The following RASSF2 variants were observed in gnomAD, a reference collection of about 807,000 sequenced individuals.
RASSF2 encodes ras association domain-containing protein 2.
A neutral mutation model predicts 46.3 loss-of-function variants in RASSF2; 34 were observed. The observed-to-expected ratio is 0.73, with a 90% CI of 0.56 to 0.98. The LOEUF (loss-of-function observed/expected upper bound fraction) is 0.98. Ranked by LOEUF, RASSF2 falls within the 50% of genes least tolerant of loss-of-function variation. The pLI, the probability that RASSF2 is intolerant of heterozygous loss-of-function variation, is 0.00. For synonymous variants in RASSF2, 158 were observed against 162.5 expected (o/e 0.97, Z 0.21); for missense variants, 364 against 431.2 (o/e 0.84, Z 1.38).
intron 2 of RASSF2, among the ~76,000 whole-genome samples, chr20:4,802,682 T>C (rs968576201): frequency 1.3e-5 from 2 of 152,028 alleles, no homozygotes; most frequent in South Asian, 4.2e-4. Flanking sequence ...TGCCAGAGGC[T>C]GGGAAGAAGG....
chr20:4,798,089 AG>A lies in RASSF2; in HGVS notation c.60-5del, dbSNP rs777547351. The A allele has an allele frequency of 1.9e-6, 3 of 1,613,470 alleles. No individual in the cohort carries two copies. Among genetic ancestry groups the A allele is most frequent in the Admixed American group, 1.7e-5 (1 of 59,972 alleles). On this transcript the variant is annotated splice_region_variant and splice_polypyrimidine_tract_variant and intron_variant, in intron 3 of 11. Coordinates refer to ENST00000379400, the MANE Select transcript of RASSF2 (RefSeq NM_014737.3). ...CAGATGCAAGAGAAGTTCATTTCTTAGGGGGAAAAATAGAAGAGATATAACA... is the reference window on the plus strand; with the variant it reads ...CAGATGCAAGAGAAGTTCATTTCTTAGGGGAAAAATAGAAGAGATATAACA...
intron 2 of RASSF2, among the ~76,000 whole-genome samples, chr20:4,802,899 T>TAC (rs1368066547): frequency 6.0e-4 from 58 of 96,448 alleles, no homozygotes; most frequent in South Asian, 3.2e-3. Context: ...TATATATACA[T>TAC]ATATATATAT....
At chr20:4,798,724 G>T (rs142230001) in intron 3 of RASSF2, among the ~76,000 whole-genome samples, 6,410 of 145,880 alleles carry the variant, frequency 0.044, 206 homozygotes, top group Middle Eastern at 0.078. Flanking sequence ...TACTCAGGAG[G>T]CTGAGGCAGG....
intron 8 of RASSF2, 78 bp from the exon 9 acceptor site, chr20:4,788,346 C>G: frequency 7.4e-7 from 1 of 1,344,472 alleles, no homozygotes; most frequent in South Asian, 1.2e-5. Context: ...TCTTCTTTAG[C>G]AATGCAAAGC....
At chr20:4,804,771 C>T (rs1044482548) in intron 2 of RASSF2, among the ~76,000 whole-genome samples, 1 of 152,078 alleles carries the variant, frequency 6.6e-6, no homozygotes, top group Non-Finnish European at 1.5e-5. Flanking sequence ...TGCCAAGCAT[C>T]GTGCTTCACG....
intron 11 of RASSF2, among the ~76,000 whole-genome samples, chr20:4,785,663 G>A (rs930897759): frequency 6.6e-6 from 1 of 152,154 alleles, no homozygotes; most frequent in African/African-American, 2.4e-5. Context: ...CTACATCCAC[G>A]GCTAAGACAG....
chr20:4,790,690 G>A lies in RASSF2; in HGVS notation c.377-79C>T, dbSNP rs8122874. 46 of 1,165,888 alleles carry A rather than the reference G, an allele frequency of 3.9e-5. No individual in the cohort carries two copies. Among genetic ancestry groups the A allele is most frequent in the South Asian group, 3.4e-4 (20 of 58,556 alleles). 72.2% of individuals were successfully genotyped at this position (1,165,888 alleles called of 1,614,324 possible). A position where few individuals can be genotyped will look rare whatever the true frequency, so the allele number is the denominator to read the frequency against. On this transcript the variant is annotated intron_variant, in intron 6 of 11. Coordinates refer to ENST00000379400, the MANE Select transcript of RASSF2 (RefSeq NM_014737.3). The surrounding 1 kb of genome is among the most constrained non-coding windows in gnomAD (Gnocchi z 4.3). ...ATGGTCCCCAATTTGTGGCCAGTGC[G>A]ACAGCACCCACTGTCTCCACAAATA...
intron 2 of RASSF2, among the ~76,000 whole-genome samples, chr20:4,813,159 G>GA (rs1437360483): frequency 1.3e-5 from 2 of 152,116 alleles, no homozygotes; most frequent in South Asian, 2.1e-4. Flanking sequence ...CCCATTCCCA[G>GA]AAAAACCCCG....
At chr20:4,816,835 G>T (rs1170037436) in intron 2 of RASSF2, among the ~76,000 whole-genome samples, 1 of 152,122 alleles carries the variant, frequency 6.6e-6, no homozygotes, top group South Asian at 2.1e-4. Flanking sequence ...ATATTCTGGT[G>T]GCTCACACCT....
At chr20:4,810,180 C>T (rs371020901) in intron 2 of RASSF2, among the ~76,000 whole-genome samples, 35 of 152,308 alleles carry the variant, frequency 2.3e-4, no homozygotes, top group South Asian at 2.1e-3. Context: ...GCTGCCGGAA[C>T]GGGGTCAGCG....
chr20:4,800,029 T>A (rs554447092), intron 3 of RASSF2, among the ~76,000 whole-genome samples: 1 of 152,116 alleles, frequency 6.6e-6, no homozygotes, highest in African/African-American at 2.4e-5. Flanking sequence ...GGAGAATCAC[T>A]TGAACCCAGG....
intron 10 of RASSF2, 152 bp downstream of exon 10, chr20:4,787,481 T>C: frequency 1.1e-6 from 1 of 911,980 alleles, no homozygotes; most frequent in Non-Finnish European, 1.6e-6. Flanking sequence ...TTTGTTACTC[T>C]GCAAAAGCTG....
At chr20:4,787,503 A>G (rs1925460372) in intron 10 of RASSF2, 130 bp downstream of exon 10, 6 of 1,136,518 alleles carry the variant, frequency 5.3e-6, no homozygotes, top group Non-Finnish European at 7.6e-6. Context: ...CTTCGAGAGA[A>G]CCTGGTGCTG....
chr20:4,796,849 C>A (rs1480106371), intron 4 of RASSF2, among the ~76,000 whole-genome samples: 1 of 152,200 alleles, frequency 6.6e-6, no homozygotes, highest in East Asian at 1.9e-4. Flanking sequence ...GCTTGAAGGG[C>A]AGTTCCTAAA....
At chr20:4,792,857 A>G in intron 5 of RASSF2, 4 of 773,638 alleles carry the variant, frequency 5.2e-6, no homozygotes, top group Non-Finnish European at 7.8e-6. Context: ...GGAGTTCCGG[A>G]GGGAGAAGAT....
rs1925016452 is a variant in RASSF2, at chr20:4,783,476, ATCT to A, written c.*794_*796del. ...AGCTGGGTACAGAGAAACACACAGG[ATCT>A]TCTCTGTCTCCTAAAGGTAGCCATG... is the stretch of plus-strand genomic sequence containing the variant. On this transcript the variant is annotated 3_prime_UTR_variant, in exon 12 of 12. Transcript: ENST00000379400. 1 of 152,616 alleles carries A rather than the reference ATCT, an allele frequency of 6.6e-6. No individual in the cohort carries two copies. The highest frequency in any genetic ancestry group is 2.4e-5 in the African/African-American group (1 of 41,456). The allele number at this position is 152,616 out of a possible 1,614,324, so 9.5% of individuals were successfully genotyped here. A position where few individuals can be genotyped will look rare whatever the true frequency, so the allele number is the denominator to read the frequency against.
chr20:4,794,397 CCT>C (rs1244145788), intron 5 of RASSF2, among the ~76,000 whole-genome samples: 1 of 152,018 alleles, frequency 6.6e-6, no homozygotes, highest in Non-Finnish European at 1.5e-5. Flanking sequence ...GATGAAACCC[CCT>C]CTCTACCAAA....
At chr20:4,792,483 A>C in intron 6 of RASSF2, 56 bp downstream of exon 6, 1 of 1,609,608 alleles carries the variant, frequency 6.2e-7, no homozygotes, top group African/African-American at 1.3e-5. Context: ...AACATCTATC[A>C]CAGCGGTCTT....
rs565275687 is a variant in RASSF2 at position 4,790,004 on chromosome 20, A to G, written c.538-307T>C. ...ACAAAGCAGGAGGAAAGGAGGGATC[A>G]GCAAGATGGGGTGGGGTGGGTGGTG... On this transcript the variant is annotated intron_variant, in intron 7 of 11. Transcript: ENST00000379400. The surrounding 1 kb of genome is among the most constrained non-coding windows in gnomAD (Gnocchi z 4.3). 6.6e-6 allele frequency among the ~76,000 whole-genome samples: 1 copy of G among 152,170 alleles called. No homozygotes were observed. Among genetic ancestry groups the G allele is most frequent in the African/African-American group, 2.4e-5 (1 of 41,448 alleles).
Sources: allele counts gnomAD v4.1 joint callset (sites outside exome capture counted in the v4.1 genomes callset), GRCh38; gene constraint gnomAD v4.1.1; non-coding constraint Gnocchi (gnomAD v3.1); transcripts MANE v1.5; gene names NCBI Gene and HGNC (gene_info 2026-07-23, HGNC 2026-07-21).